The following DLGAP1 variants were observed in gnomAD, a reference collection of about 807,000 sequenced individuals.
DLGAP1 encodes the protein DLG associated protein 1, also known as disks large-associated protein 1.
DLGAP1 carries 11 observed loss-of-function variants against 90.8 expected under a neutral mutation model. The observed-to-expected ratio is 0.12, with a 90% CI of 0.08 to 0.20. The LOEUF (loss-of-function observed/expected upper bound fraction) is 0.20, where lower values mean the gene tolerates loss of function less well. Ranked by LOEUF, DLGAP1 falls within the 10% of genes least tolerant of loss-of-function variation. The pLI is 1.00. For missense variants in DLGAP1, 1,050 were observed against 1,333.8 expected, an observed-to-expected ratio of 0.79 and a Z score of 3.31; for synonymous variants, 558 against 540.7, an observed-to-expected ratio of 1.03 and a Z score of -0.44.
chr18:3,515,100 C>T (rs902409677), intron 10 of DLGAP1, among the ~76,000 whole-genome samples: 1 of 152,150 alleles, frequency 6.6e-6, no homozygotes, highest in African/African-American at 2.4e-5. Flanking sequence ...ATTGACTTTT[C>T]CTTTCATGAA....
At chr18:3,614,882 CAT>C (rs2057789344) in intron 7 of DLGAP1, among the ~76,000 whole-genome samples, 1 of 150,120 alleles carries the variant, frequency 6.7e-6, no homozygotes, top group African/African-American at 2.4e-5. Flanking sequence ...TGGAGTCAAA[CAT>C]AACTTGGAGA....
intron 3 of DLGAP1, among the ~76,000 whole-genome samples, chr18:3,914,801 G>C: frequency 6.6e-6 from 1 of 152,134 alleles, no homozygotes; most frequent in Non-Finnish European, 1.5e-5. Flanking sequence ...CCAGGCTGGA[G>C]TGCAATGGTG....
intron 2 of DLGAP1, among the ~76,000 whole-genome samples, chr18:4,035,748 C>T (rs2074877606): frequency 6.6e-6 from 1 of 152,144 alleles, no homozygotes; most frequent in South Asian, 2.1e-4. Flanking sequence ...CTAATGGTTT[C>T]TGGCTAGGAT....
chr18:4,075,134 G>A (rs550928760), intron 2 of DLGAP1, among the ~76,000 whole-genome samples: 3 of 152,174 alleles, frequency 2.0e-5, no homozygotes, highest in Admixed American at 6.5e-5. Flanking sequence ...CTTCATGGGG[G>A]CAGCCACTTG....
chr18:3,978,333 C>T lies in DLGAP1; in HGVS notation c.-73+26783G>A, dbSNP rs1599257452. The T allele has an allele frequency of 2.5e-5, 9 of 364,888 alleles. 1 individual carries two copies. Among genetic ancestry groups the T allele is most frequent in the South Asian group, 7.0e-5 (3 of 43,006 alleles). The allele number at this position is 364,888 out of a possible 1,614,324, so 22.6% of individuals were successfully genotyped here. A position where few individuals can be genotyped will look rare whatever the true frequency, so the allele number is the denominator to read the frequency against. ...ATGAAGACACCAGTGGACTCCACAA[C>T]GTACTCAGTGCCAGCATCATCTCAT... is the stretch of plus-strand genomic sequence containing the variant. On this transcript the variant is annotated intron_variant, in intron 3 of 12. Transcript: ENST00000315677.
At chr18:3,600,953 T>TAG (rs1329556901) in intron 7 of DLGAP1, among the ~76,000 whole-genome samples, 1 of 60,410 alleles carries the variant, frequency 1.7e-5, no homozygotes, top group Non-Finnish European at 3.4e-5. Context: ...GATATATAGA[T>TAG]ATATATAGAT....
intron 1 of DLGAP1, among the ~76,000 whole-genome samples, chr18:4,176,319 C>A (rs2077106537): frequency 6.6e-6 from 1 of 152,150 alleles, no homozygotes; most frequent in African/African-American, 2.4e-5. Flanking sequence ...AGTGTTCCAG[C>A]CCTTCATTTC....
chr18:3,634,564 A>G (rs2146222904), intron 7 of DLGAP1, among the ~76,000 whole-genome samples: 1 of 152,348 alleles, frequency 6.6e-6, no homozygotes, highest in South Asian at 2.1e-4. Context: ...AAATCCAGAT[A>G]GATGTAAATT....
chr18:4,381,397 C>G (rs12456124), intron 1 of DLGAP1, among the ~76,000 whole-genome samples: 2 of 151,950 alleles, frequency 1.3e-5, no homozygotes, highest in Admixed American at 1.3e-4. Context: ...TTCAAAAGAA[C>G]CAGTCCTCAG....
At chr18:3,566,038 T>C (rs2054410002) in intron 9 of DLGAP1, among the ~76,000 whole-genome samples, 1 of 152,192 alleles carries the variant, frequency 6.6e-6, no homozygotes, top group South Asian at 2.1e-4. Context: ...CCCATGTTTC[T>C]CCACCTTTTT....
At chr18:3,918,910 CT>C (rs2072205997) in intron 3 of DLGAP1, among the ~76,000 whole-genome samples, 1 of 152,070 alleles carries the variant, frequency 6.6e-6, no homozygotes, top group African/African-American at 2.4e-5. Flanking sequence ...AGATGCGTAG[CT>C]TAGGAACCTG....
chr18:3,605,795 C>T (rs1393074129), intron 7 of DLGAP1, among the ~76,000 whole-genome samples: 2 of 148,658 alleles, frequency 1.3e-5, no homozygotes, highest in East Asian at 4.0e-4. Context: ...GTGACTTTTC[C>T]AAGGTCACGG....
chr18:3,951,111 T>C (rs1372910419), intron 3 of DLGAP1, among the ~76,000 whole-genome samples: 1 of 152,222 alleles, frequency 6.6e-6, no homozygotes, highest in East Asian at 1.9e-4. Context: ...AGAAAACTCA[T>C]TTAGTTCCTA....
chr18:4,443,289 A>G (rs1417243542), intron 1 of DLGAP1, among the ~76,000 whole-genome samples: 1 of 152,154 alleles, frequency 6.6e-6, no homozygotes, highest in Non-Finnish European at 1.5e-5. Flanking sequence ...GTGGCCATGA[A>G]TAAGCTCTGT....
At chr18:4,278,761 CAT>C (rs2079478870) in intron 1 of DLGAP1, among the ~76,000 whole-genome samples, 1 of 108,084 alleles carries the variant, frequency 9.3e-6, no homozygotes, top group South Asian at 2.4e-4. Context: ...CACACACACA[CAT>C]ATTTTATCTA....
At chr18:3,618,123 G>T (rs1345099568) in intron 7 of DLGAP1, among the ~76,000 whole-genome samples, 1 of 152,174 alleles carries the variant, frequency 6.6e-6, no homozygotes, top group Non-Finnish European at 1.5e-5. Context: ...TTTGACCAGA[G>T]TCTAACAAAG....
chr18:4,079,632 T>G (rs918860330), intron 2 of DLGAP1, among the ~76,000 whole-genome samples: 1 of 151,716 alleles, frequency 6.6e-6, no homozygotes, highest in Admixed American at 6.6e-5. Flanking sequence ...AGACTTCACC[T>G]CTATGCAGTT....
At chr18:3,559,116 A>C (rs2053925728) in intron 9 of DLGAP1, among the ~76,000 whole-genome samples, 1 of 152,254 alleles carries the variant, frequency 6.6e-6, no homozygotes, top group Non-Finnish European at 1.5e-5. Context: ...GCATTCCTAC[A>C]CGTGATGTTA....
chr18:4,153,305 GA>G (rs2076704633), intron 1 of DLGAP1, among the ~76,000 whole-genome samples: 1 of 152,184 alleles, frequency 6.6e-6, no homozygotes, highest in South Asian at 2.1e-4. Context: ...TCTGCATTTT[GA>G]AAATGATCCC....
Sources: allele counts gnomAD v4.1 joint callset (sites outside exome capture counted in the v4.1 genomes callset), GRCh38; gene constraint gnomAD v4.1.1; transcripts MANE v1.5; gene names NCBI Gene and HGNC (gene_info 2026-07-23, HGNC 2026-07-21).